The following SLC22A15 variants were observed in gnomAD, a reference collection of about 807,000 sequenced individuals.
SLC22A15 encodes the protein solute carrier family 22 member 15, also known as flipt 1.
SLC22A15 carries 45 observed loss-of-function variants against 62.7 expected under a neutral mutation model. That is an observed-to-expected ratio of 0.72 (90% CI 0.56 to 0.92). The LOEUF (loss-of-function observed/expected upper bound fraction) is 0.92. Among genes scored for constraint, SLC22A15 ranks in the 40% least tolerant of loss-of-function variants. The probability of loss-of-function intolerance (pLI) is 0.00; values close to 1 mark genes in which losing one functional copy is unlikely to be tolerated. For missense variants in SLC22A15, 622 were observed against 665.6 expected (o/e 0.93, Z 0.72); for synonymous variants, 264 against 267.0 (o/e 0.99, Z 0.11).
chr1:116,032,314 G>A, intron 6 of SLC22A15: 1 of 985,366 alleles, frequency 1.0e-6, no homozygotes, highest in African/African-American at 1.7e-5. Flanking sequence ...TACAATTTGT[G>A]GATTGCACAT....
chr1:116,037,411 AG>A (rs1657659855), intron 8 of SLC22A15, 23 bp downstream of exon 8: 2 of 1,551,842 alleles, frequency 1.3e-6, no homozygotes, highest in Non-Finnish European at 1.8e-6. Context: ...AATTTCTACA[AG>A]GGTTTTGAAC....
intron 8 of SLC22A15, among the ~76,000 whole-genome samples, chr1:116,052,219 A>G (rs1404469118): frequency 1.3e-5 from 2 of 152,108 alleles, no homozygotes; most frequent in Non-Finnish European, 2.9e-5. Flanking sequence ...TGCTTTTCTG[A>G]CGGGCTTAGG....
At chr1:115,986,669 T>A (rs1055944245) in intron 1 of SLC22A15, among the ~76,000 whole-genome samples, 1 of 152,206 alleles carries the variant, frequency 6.6e-6, no homozygotes, top group Non-Finnish European at 1.5e-5. Flanking sequence ...TTGTTGGTTG[T>A]TGCAGCTTAT....
chr1:116,055,062 A>G (rs1272408637), intron 8 of SLC22A15, among the ~76,000 whole-genome samples: 2 of 151,466 alleles, frequency 1.3e-5, no homozygotes, highest in African/African-American at 4.9e-5. Flanking sequence ...ATCAGAGCAG[A>G]ACTGAAGGAA....
At position 116,067,979 on chromosome 1, in the gene SLC22A15, A is replaced by G. The variant is rs1033676348; in HGVS notation, c.*871A>G. ...CAGTGACATGTTGAGCACCTGGAGGAAAAAAAAGGTGCAGTTTTTAATAAG... is the reference window on the plus strand; with the variant it reads ...CAGTGACATGTTGAGCACCTGGAGGGAAAAAAAGGTGCAGTTTTTAATAAG... On this transcript the variant is annotated 3_prime_UTR_variant, in exon 12 of 12. Transcript: ENST00000369503. 5.0e-5 allele frequency: 3 copies of G among 59,946 alleles called. No homozygotes were observed. Among genetic ancestry groups the G allele is most frequent in the African/African-American group, 9.0e-5 (3 of 33,256 alleles). The allele number at this position is 59,946 out of a possible 1,614,324, so 3.7% of individuals were successfully genotyped here.
intron 2 of SLC22A15, among the ~76,000 whole-genome samples, chr1:115,993,703 C>T (rs902825384): frequency 6.6e-6 from 1 of 152,222 alleles, no homozygotes; most frequent in Admixed American, 6.5e-5. Context: ...CCTGACGTTA[C>T]TCTTCACTTA....
intron 2 of SLC22A15, among the ~76,000 whole-genome samples, chr1:116,018,186 C>T (rs1424735629): frequency 2.6e-5 from 4 of 152,050 alleles, no homozygotes; most frequent in East Asian, 1.9e-4. Context: ...CTCCTTCTGG[C>T]GCCTGGTAAC....
At chr1:116,058,657 A>G (rs564979820) in intron 8 of SLC22A15, among the ~76,000 whole-genome samples, 6 of 152,352 alleles carry the variant, frequency 3.9e-5, no homozygotes, top group South Asian at 4.1e-4. Flanking sequence ...CAAAAAAGAT[A>G]CTTGCACATG....
intron 6 of SLC22A15, chr1:116,031,820 A>G (rs1484083280): frequency 2.2e-6 from 3 of 1,371,824 alleles, no homozygotes; most frequent in Non-Finnish European, 2.8e-6. Flanking sequence ...GAGTAAGTAG[A>G]CATCAGAAGC....
intron 2 of SLC22A15, among the ~76,000 whole-genome samples, chr1:115,992,586 C>T (rs968175570): frequency 2.0e-5 from 3 of 151,024 alleles, no homozygotes; most frequent in Admixed American, 1.3e-4. Context: ...GGAAATGTAA[C>T]GATTCATATA....
chr1:116,017,199 A>G (rs984687667), intron 2 of SLC22A15, among the ~76,000 whole-genome samples: 8 of 151,510 alleles, frequency 5.3e-5, no homozygotes, highest in African/African-American at 1.7e-4. Context: ...CACAAATGTC[A>G]CCTCCGCCCA....
In SLC22A15 at chr1:116,032,308, A is replaced by G. The variant is rs973882248; in HGVS notation, c.944+727A>G. On this transcript the variant is annotated intron_variant, in intron 6 of 11. Coordinates refer to ENST00000369503, the MANE Select transcript of SLC22A15 (RefSeq NM_018420.3). ...GAGGAGAAATGGATGGGTGCATACA[A>G]TTTGTGGATTGCACATGTGTTTTGA... The G allele has an allele frequency of 4.1e-6, 4 of 985,256 alleles. No homozygotes were observed. In the African/African-American group the frequency reaches 7.0e-5, roughly 17 times the overall value. The allele number at this position is 985,256 out of a possible 1,614,324, so 61.0% of individuals were successfully genotyped here.
At chr1:116,036,593 TC>T (rs1446913625) in intron 7 of SLC22A15, among the ~76,000 whole-genome samples, 1 of 152,142 alleles carries the variant, frequency 6.6e-6, no homozygotes, top group Non-Finnish European at 1.5e-5. Flanking sequence ...TTCGTACTTA[TC>T]CCCAAACCAG....
In SLC22A15 at chr1:115,992,105, G is replaced by A. The variant is rs1334565387; in HGVS notation, c.162G>A (p.Glu54=). The A allele has an allele frequency of 6.2e-7, 1 of 1,613,868 alleles. No homozygotes were observed. Among genetic ancestry groups the A allele is most frequent in the Non-Finnish European group, 8.5e-7 (1 of 1,179,886 alleles). Residue 54 remains glutamate (E), a synonymous_variant, in exon 2 of 12, where the codon GAG becomes GAA. Coordinates refer to ENST00000369503, the MANE Select transcript of SLC22A15 (RefSeq NM_018420.3). ...ATPSYHWDLA[E]LLPNQSHGNQ... is the part of the protein sequence containing the mutation. ...CATCCTACCACTGGGACCTGGCAGA[G>A]CTCCTGCCAAATCAGAGCCACGGTA... is the stretch of plus-strand genomic sequence containing the variant.
At position 116,018,340 on chromosome 1, in the gene SLC22A15, A is replaced by T. The variant is rs188942124; in HGVS notation, c.301-1242A>T. Among the ~76,000 whole-genome samples the T allele has an allele frequency of 6.0e-3, 914 of 151,996 alleles. 7 individuals carry two copies. Among genetic ancestry groups the T allele is most frequent in the Middle Eastern group, 0.024 (7 of 290 alleles). The stretch of plus-strand genomic sequence containing the variant: ...AGTTTAGGTTGTAGCATGAATCAGA[A>T]TTTTTTTCCTTTTTATTTTATTTTA... On this transcript the variant is annotated intron_variant, in intron 2 of 11. Transcript: ENST00000369503.
chr1:116,004,854 G>T (rs1407719603), intron 2 of SLC22A15, among the ~76,000 whole-genome samples: 1 of 152,070 alleles, frequency 6.6e-6, no homozygotes, highest in East Asian at 1.9e-4. Flanking sequence ...ATTTTCTGGG[G>T]CTATTTTGTC....
At chr1:116,027,116 G>A (rs1657133412) in intron 5 of SLC22A15, 94 bp downstream of exon 5, 1 of 1,242,318 alleles carries the variant, frequency 8.0e-7, no homozygotes, top group African/African-American at 1.5e-5. Context: ...TCCCTTTCAG[G>A]AGCTTGCCTG....
chr1:116,066,733 T>A, intron 11 of SLC22A15, 25 bp downstream of exon 11: 2 of 1,591,068 alleles, frequency 1.3e-6, no homozygotes, highest in Non-Finnish European at 1.7e-6. Context: ...TTAATTATTA[T>A]ACCGCTTGGA....
intron 2 of SLC22A15, among the ~76,000 whole-genome samples, 188 bp from the exon 3 acceptor site, chr1:116,019,394 T>C (rs995725801): frequency 5.3e-5 from 8 of 152,222 alleles, no homozygotes; most frequent in African/African-American, 1.7e-4. Context: ...ATAATAATAG[T>C]GATTTCTAGT....
Sources: gnomAD v4.1 joint callset for allele counts (sites outside exome capture counted in the v4.1 genomes callset) on GRCh38, gnomAD v4.1.1 for gene constraint, MANE v1.5 for transcripts, NCBI Gene and HGNC (gene_info 2026-07-23, HGNC 2026-07-21) for gene names.